Variants in TNIK observed in about 807,000 individuals in gnomAD.
TNIK encodes TRAF2 and NCK-interacting protein kinase.
TNIK carries 49 observed loss-of-function variants against 191.3 expected under a neutral mutation model. The observed-to-expected ratio is 0.26, with a 90% CI of 0.20 to 0.32. The LOEUF (loss-of-function observed/expected upper bound fraction) is 0.32, where lower values mean the gene tolerates loss of function less well. Ranked by LOEUF, TNIK falls within the 10% of genes least tolerant of loss-of-function variation. TNIK has a pLI of 1.00. For synonymous variants in TNIK, 594 were observed against 600.9 expected (o/e 0.99, Z 0.17); for missense variants, 1,155 against 1,702.3 (o/e 0.68, Z 5.66).
chr3:171,450,559 G>T (rs1728046833), intron 1 of TNIK, among the ~76,000 whole-genome samples: 1 of 152,144 alleles, frequency 6.6e-6, no homozygotes. Context: ...GAGGTAAATT[G>T]GATCACCAAT....
chr3:171,125,194 C>T lies in TNIK; in HGVS notation c.2013+718G>A, dbSNP rs183898661. 1.5e-4 allele frequency among the ~76,000 whole-genome samples: 23 copies of T among 152,132 alleles called. 1 individual carries two copies. Among genetic ancestry groups the T allele is most frequent in the Admixed American group, 1.2e-3 (19 of 15,298 alleles). ...GGGGATTCCTGAGCCAGGAAGAATC[C>T]GATGCAAAAAATGTCTCTAGTATTT... On this transcript the variant is annotated intron_variant, in intron 17 of 32. Transcript: ENST00000436636.
intron 1 of TNIK, among the ~76,000 whole-genome samples, chr3:171,436,552 C>T (rs1045154296): frequency 2.6e-5 from 4 of 151,850 alleles, no homozygotes; most frequent in Admixed American, 2.6e-4. Context: ...AGCTATAGCA[C>T]CAAGATTCAA....
intron 1 of TNIK, among the ~76,000 whole-genome samples, chr3:171,419,332 G>A (rs1723465990): frequency 6.6e-6 from 1 of 152,316 alleles, no homozygotes; most frequent in East Asian, 1.9e-4. Flanking sequence ...GTAGATTAGT[G>A]ATTGTTTAGG....
chr3:171,196,481 A>T (rs1738686019), intron 4 of TNIK, among the ~76,000 whole-genome samples: 1 of 152,226 alleles, frequency 6.6e-6, no homozygotes, highest in Non-Finnish European at 1.5e-5. Context: ...TTTACAGGAA[A>T]TTCAGAGGAC....
At chr3:171,458,413 A>T (rs541021345) in intron 1 of TNIK, among the ~76,000 whole-genome samples, 1 of 152,118 alleles carries the variant, frequency 6.6e-6, no homozygotes, top group South Asian at 2.1e-4. Context: ...TAATGCATGA[A>T]TGAGCTTTGG....
chr3:171,081,523 T>G (rs1720677721), intron 27 of TNIK, among the ~76,000 whole-genome samples: 1 of 147,838 alleles, frequency 6.8e-6, no homozygotes, highest in East Asian at 2.0e-4. Flanking sequence ...CCCTAGGTGA[T>G]TATAAAGTGC....
chr3:171,133,675 TAA>T (rs1729610187), intron 15 of TNIK, among the ~76,000 whole-genome samples: 1 of 152,162 alleles, frequency 6.6e-6, no homozygotes. Flanking sequence ...TATTTAATCA[TAA>T]GAGAGATATG....
chr3:171,290,426 T>A (rs1203070523), intron 2 of TNIK, among the ~76,000 whole-genome samples: 1 of 152,224 alleles, frequency 6.6e-6, no homozygotes, highest in East Asian at 1.9e-4. Flanking sequence ...TTTTTCTCAT[T>A]GACTCTATTT....
chr3:171,438,108 C>T (rs1247510911), intron 1 of TNIK, among the ~76,000 whole-genome samples: 1 of 152,202 alleles, frequency 6.6e-6, no homozygotes, highest in East Asian at 1.9e-4. Context: ...ATTTATTGAG[C>T]CTGTACTTAT....
chr3:171,092,243 C>T lies in TNIK; in HGVS notation c.2721+1596G>A, dbSNP rs373458055. Among the ~76,000 whole-genome samples, 17 of 152,196 alleles carry T rather than the reference C, an allele frequency of 1.1e-4. No homozygotes were observed. The East Asian group carries it at 1.2e-3, about 10-fold the overall frequency. ...GATTACAGGCACGAGCCACCGCGCC[C>T]GGCTGCAAATGCTGTTTTCAAAGTG... On this transcript the variant is annotated intron_variant, in intron 23 of 32. Transcript: ENST00000436636.
At chr3:171,212,030 A>C (rs2108915488) in intron 3 of TNIK, among the ~76,000 whole-genome samples, 1 of 152,284 alleles carries the variant, frequency 6.6e-6, no homozygotes, top group South Asian at 2.1e-4. Flanking sequence ...GTTGGACTGC[A>C]GAAGAGTGTT....
chr3:171,310,142 G>C (rs4894794), intron 2 of TNIK, among the ~76,000 whole-genome samples: 78,306 of 151,742 alleles, frequency 0.52, 20,884 homozygotes, highest in African/African-American at 0.59. Context: ...AATGATCCAT[G>C]ATAAAAGACA....
chr3:171,080,401 T>A (rs1368422554), intron 27 of TNIK, among the ~76,000 whole-genome samples: 1 of 152,112 alleles, frequency 6.6e-6, no homozygotes, highest in African/African-American at 2.4e-5. Context: ...CTTATTTTTC[T>A]TTATCTTAGG....
At chr3:171,222,789 G>C (rs937110736) in intron 3 of TNIK, among the ~76,000 whole-genome samples, 1 of 152,142 alleles carries the variant, frequency 6.6e-6, no homozygotes, top group Admixed American at 6.6e-5. Flanking sequence ...ATTCAGTGAA[G>C]CAGAGCTTAG....
intron 7 of TNIK, 131 bp from the exon 8 acceptor site, chr3:171,177,511 A>G (rs1303551328): frequency 9.2e-7 from 1 of 1,083,102 alleles, no homozygotes; most frequent in African/African-American, 1.6e-5. Context: ...TTCTTCCACT[A>G]ACCTTCAAAG....
intron 28 of TNIK, among the ~76,000 whole-genome samples, chr3:171,073,536 A>G (rs1719488486): frequency 6.6e-6 from 1 of 152,190 alleles, no homozygotes; most frequent in African/African-American, 2.4e-5. Context: ...CTTAATTAAT[A>G]AGCTAATGAG....
chr3:171,188,402 C>T (rs1737630076), intron 7 of TNIK, among the ~76,000 whole-genome samples: 1 of 152,144 alleles, frequency 6.6e-6, no homozygotes, highest in South Asian at 2.1e-4. Context: ...AAACCATAAC[C>T]AAAATGGAAA....
intron 2 of TNIK, among the ~76,000 whole-genome samples, chr3:171,304,333 T>A (rs1429323977): frequency 6.6e-6 from 1 of 152,062 alleles, no homozygotes; most frequent in African/African-American, 2.4e-5. Flanking sequence ...CCAGTTAGAA[T>A]GGCGATCATT....
At chr3:171,192,410 T>G (rs1454189570) in intron 5 of TNIK, among the ~76,000 whole-genome samples, 2 of 152,194 alleles carry the variant, frequency 1.3e-5, no homozygotes, top group Non-Finnish European at 2.9e-5. Context: ...CAAAACCTCT[T>G]GTGGCCAGAG....
Sources: gnomAD v4.1 joint callset for allele counts (sites outside exome capture counted in the v4.1 genomes callset) on GRCh38, gnomAD v4.1.1 for gene constraint, MANE v1.5 for transcripts, NCBI Gene and HGNC (gene_info 2026-07-23, HGNC 2026-07-21) for gene names.